MAN2A1: variants seen among roughly 807,000 people sequenced by gnomAD.
The protein encoded by MAN2A1 is mannosidase alpha class 2A member 1.
MAN2A1 carries 76 observed loss-of-function variants against 142.6 expected under a neutral mutation model. The ratio of observed to expected loss-of-function variants is 0.53; its 90% CI spans 0.44 to 0.65. The LOEUF (loss-of-function observed/expected upper bound fraction) is 0.65, where lower values mean the gene tolerates loss of function less well. MAN2A1 is among the 30% of genes least tolerant of loss of function. The probability of loss-of-function intolerance (pLI) is 0.00; values close to 1 mark genes in which losing one functional copy is unlikely to be tolerated. For missense variants in MAN2A1, 1,311 were observed against 1,365.1 expected (o/e 0.96, Z 0.62); for synonymous variants, 559 against 473.2 (o/e 1.18, Z -2.35).
chr5:109,736,414 G>A (rs763299095), intron 4 of MAN2A1, among the ~76,000 whole-genome samples: 6 of 152,094 alleles, frequency 3.9e-5, no homozygotes, highest in Non-Finnish European at 7.4e-5. Flanking sequence ...TGACCTGGGA[G>A]GCTGAGGTAG....
At chr5:109,795,901 C>T (rs1246168662) in intron 12 of MAN2A1, among the ~76,000 whole-genome samples, 1 of 152,106 alleles carries the variant, frequency 6.6e-6, no homozygotes, top group African/African-American at 2.4e-5. Context: ...CTCTTCATTC[C>T]TTTTCAGTGC....
At chr5:109,782,648 A>G (rs1349226593) in intron 9 of MAN2A1, among the ~76,000 whole-genome samples, 1 of 152,180 alleles carries the variant, frequency 6.6e-6, no homozygotes, top group African/African-American at 2.4e-5. Context: ...TTATGAATTT[A>G]AGAGTTGTAT....
At chr5:109,702,340 TGTG>T (rs1751010787) in intron 1 of MAN2A1, among the ~76,000 whole-genome samples, 1 of 151,714 alleles carries the variant, frequency 6.6e-6, no homozygotes, top group Non-Finnish European at 1.5e-5. Flanking sequence ...TGTGTGTGTG[TGTG>T]TGTGTGTGTC....
At chr5:109,750,485 A>C (rs563897015) in intron 4 of MAN2A1, among the ~76,000 whole-genome samples, 2 of 152,226 alleles carry the variant, frequency 1.3e-5, no homozygotes, top group East Asian at 3.9e-4. Flanking sequence ...GTATCATACT[A>C]TTACAATATG....
chr5:109,768,132 T>G (rs1753043745), intron 6 of MAN2A1, among the ~76,000 whole-genome samples: 1 of 152,326 alleles, frequency 6.6e-6, no homozygotes, highest in East Asian at 1.9e-4. Context: ...GCCTTAATCC[T>G]GTCCTCCTAA....
intron 19 of MAN2A1, 117 bp from the exon 20 acceptor site, chr5:109,855,023 A>G: frequency 2.0e-6 from 1 of 497,730 alleles, no homozygotes; most frequent in Non-Finnish European, 3.3e-6. Flanking sequence ...TATTTATAAA[A>G]TGTAATGAAA....
In MAN2A1 at chr5:109,738,385, T is replaced by C. The variant is rs540711547; in HGVS notation, c.707+8872T>C. ...GACTAAGATTTATTTTTCTTCATTG[T>C]AAACTGTATGTATCATCATTGATAC... On this transcript the variant is annotated intron_variant, in intron 4 of 21. Transcript: ENST00000261483. Among the ~76,000 whole-genome samples the C allele has an allele frequency of 3.3e-5, 5 of 152,304 alleles. No individual in the cohort carries two copies. The South Asian group carries it at 1.0e-3, about 32-fold the overall frequency.
intron 12 of MAN2A1, among the ~76,000 whole-genome samples, chr5:109,802,025 A>C (rs540729762): frequency 1.3e-5 from 2 of 152,128 alleles, no homozygotes; most frequent in Non-Finnish European, 2.9e-5. Context: ...TCATACATTC[A>C]TTCATTCAGT....
chr5:109,851,911 A>G (rs115215659), intron 19 of MAN2A1, among the ~76,000 whole-genome samples: 11 of 152,268 alleles, frequency 7.2e-5, no homozygotes, highest in Admixed American at 3.3e-4. Flanking sequence ...AGGGAGATCA[A>G]CCAGGTTTAA....
At chr5:109,748,521 G>A (rs908077298) in intron 4 of MAN2A1, among the ~76,000 whole-genome samples, 1 of 151,696 alleles carries the variant, frequency 6.6e-6, no homozygotes, top group Non-Finnish European at 1.5e-5. Context: ...CTTACAGCCT[G>A]TTGGAATAGA....
intron 4 of MAN2A1, among the ~76,000 whole-genome samples, chr5:109,741,817 G>C (rs2112606991): frequency 6.6e-6 from 1 of 152,100 alleles, no homozygotes; most frequent in East Asian, 1.9e-4. Flanking sequence ...TATATTTTCT[G>C]TTTTTTTGTG....
chr5:109,711,017 G>C (rs770665993), intron 1 of MAN2A1, among the ~76,000 whole-genome samples: 16 of 152,120 alleles, frequency 1.1e-4, no homozygotes, highest in Non-Finnish European at 2.1e-4. Context: ...TAGTAGAGAT[G>C]GGGTTTCACC....
chr5:109,810,271 C>G (rs1754281087), intron 12 of MAN2A1, among the ~76,000 whole-genome samples: 1 of 152,000 alleles, frequency 6.6e-6, no homozygotes. Flanking sequence ...ATATTGAGTA[C>G]TAGACAATTG....
chr5:109,775,007 C>A, intron 8 of MAN2A1, 42 bp downstream of exon 8: 1 of 1,363,436 alleles, frequency 7.3e-7, no homozygotes. Context: ...GAAATTGAAC[C>A]TTTATTATTA....
chr5:109,791,717 T>C (rs1293517480), intron 12 of MAN2A1, among the ~76,000 whole-genome samples: 1 of 152,048 alleles, frequency 6.6e-6, no homozygotes. Flanking sequence ...AGCACAGATA[T>C]AGTACGTAAC....
At chr5:109,809,323 T>A (rs1754257567) in intron 12 of MAN2A1, among the ~76,000 whole-genome samples, 1 of 152,120 alleles carries the variant, frequency 6.6e-6, no homozygotes, top group South Asian at 2.1e-4. Context: ...GTCATTTATA[T>A]TTTCTTATAT....
chr5:109,798,250 G>C (rs1221551467), intron 12 of MAN2A1, among the ~76,000 whole-genome samples: 2 of 152,194 alleles, frequency 1.3e-5, no homozygotes, highest in Admixed American at 6.5e-5. Flanking sequence ...CTAAATAATA[G>C]TTTTTCTTCA....
chr5:109,774,654 T>TC, intron 7 of MAN2A1, 134 bp from the exon 8 acceptor site: 1 of 632,940 alleles, frequency 1.6e-6, no homozygotes, highest in Non-Finnish European at 2.7e-6. Context: ...ACCTTGCAGA[T>TC]AGATAAAATA....
chr5:109,855,160 C>G lies in MAN2A1; in HGVS notation c.2997C>G (p.Val999=), dbSNP rs753645026. ...AVNTEEEKKS[V]SYPSLLSHIT... ...GATAGGAAGAAGAAAAGAAGTCGGT[C>G]AGTTATCCTTCTCTCCTTAGCCACA... Residue 999 remains valine (V), a synonymous_variant, in exon 20 of 22, where the codon GTC becomes GTG. Coordinates refer to ENST00000261483, the MANE Select transcript of MAN2A1 (RefSeq NM_002372.4). 6.4e-7 allele frequency: 1 copy of G among 1,552,092 alleles called. No homozygotes were observed. The highest frequency in any genetic ancestry group is 8.6e-7 in the Non-Finnish European group (1 of 1,156,838).
Sources: gnomAD v4.1 joint callset for allele counts (sites outside exome capture counted in the v4.1 genomes callset) on GRCh38, gnomAD v4.1.1 for gene constraint, MANE v1.5 for transcripts, NCBI Gene and HGNC (gene_info 2026-07-23, HGNC 2026-07-21) for gene names.